FUS: variants seen among roughly 807,000 people sequenced by gnomAD.
FUS encodes FUS RNA binding protein.
A neutral mutation model predicts 82.7 loss-of-function variants in FUS; 5 were observed. That is an observed-to-expected ratio of 0.06 (90% CI 0.03 to 0.13). FUS has a LOEUF of 0.13. Ranked by LOEUF, FUS falls within the 10% of genes least tolerant of loss-of-function variation. The probability of loss-of-function intolerance (pLI) is 1.00; values close to 1 mark genes in which losing one functional copy is unlikely to be tolerated. For synonymous variants in FUS, 281 were observed against 247.4 expected, an observed-to-expected ratio of 1.14 and a Z score of -1.27; for missense variants, 512 against 707.8, an observed-to-expected ratio of 0.72 and a Z score of 3.14.
At chr16:31,185,439 C>G in intron 6 of FUS, 1 of 661,986 alleles carries the variant, frequency 1.5e-6, no homozygotes, top group South Asian at 1.6e-5. Flanking sequence ...AGAAACCATA[C>G]ATAGATACGT....
chr16:31,193,847 A>G (rs1433580644), downstream of FUS: 7 of 521,730 alleles, frequency 1.3e-5, no homozygotes, highest in Admixed American at 1.6e-4. Flanking sequence ...ACAGGGTTTC[A>G]CTGGGTTGCC....
downstream of FUS, chr16:31,193,094 C>T (rs984776377): frequency 1.0e-5 from 5 of 484,130 alleles, no homozygotes; most frequent in Non-Finnish European, 2.0e-5. Context: ...CATGCGCCAC[C>T]ATGCCCAGCT....
downstream of FUS, chr16:31,193,093 C>T (rs761905338): frequency 2.1e-6 from 1 of 484,118 alleles, no homozygotes; most frequent in Admixed American, 2.3e-5. Context: ...GCATGCGCCA[C>T]CATGCCCAGC....
At position 31,191,551 on chromosome 16, in the gene FUS, T is replaced by C; in HGVS notation, c.*113T>C. On this transcript the variant is annotated 3_prime_UTR_variant, in exon 15 of 15. Coordinates refer to ENST00000254108, the MANE Select transcript of FUS (RefSeq NM_004960.4). The stretch of plus-strand genomic sequence containing the variant: ...ACCCAAGGGTTTTTTTGTGTCGGAC[T>C]ATGTAATTGTAACTATACCTCTGGT... 1.7e-6 allele frequency: 2 copies of C among 1,144,302 alleles called. No homozygotes were observed. Among genetic ancestry groups the C allele is most frequent in the Non-Finnish European group, 1.3e-6 (1 of 763,646 alleles). 70.9% of individuals were successfully genotyped at this position (1,144,302 alleles called of 1,614,324 possible).
intron 3 of FUS, chr16:31,183,545 A>C (rs1596892560): frequency 4.9e-6 from 2 of 406,166 alleles, no homozygotes; most frequent in South Asian, 4.3e-5. Flanking sequence ...TGTCCTGTAG[A>C]TACTGCACGC....
downstream of FUS, chr16:31,193,294 G>C (rs748360839): frequency 1.9e-6 from 1 of 516,198 alleles, no homozygotes; most frequent in Non-Finnish European, 3.8e-6. Flanking sequence ...GAGTGGTCTG[G>C]CGTATTAAAA....
downstream of FUS, chr16:31,192,139 T>TA (rs2079370830): frequency 1.9e-6 from 1 of 530,192 alleles, no homozygotes; most frequent in Admixed American, 2.2e-5. Context: ...AGCGCTTGGG[T>TA]AGATACCTGC....
intron 3 of FUS, chr16:31,183,614 T>C: frequency 3.8e-6 from 2 of 526,478 alleles, no homozygotes; most frequent in Non-Finnish European, 6.9e-6. Context: ...TAGAGGGTGG[T>C]GCTGGAGATG....
chr16:31,184,110 G>C lies in FUS; in HGVS notation c.336-99G>C, dbSNP rs2079222632. 1.9e-6 allele frequency: 3 copies of C among 1,612,738 alleles called. No individual in the cohort carries two copies. The African/African-American group carries it at 4.0e-5, about 22-fold the overall frequency. On this transcript the variant is annotated intron_variant, in intron 4 of 14. Transcript: ENST00000254108. Reference sequence around the variant, plus strand: ...GTTCAGAGGTGTAATTGGGGTAGGGGAGCCTGTGTTGGGTACAGAGAATGG... The same window carrying C: ...GTTCAGAGGTGTAATTGGGGTAGGGCAGCCTGTGTTGGGTACAGAGAATGG...
chr16:31,189,940 C>G (rs1480097888), intron 10 of FUS, 100 bp from the exon 11 acceptor site: 4 of 1,558,498 alleles, frequency 2.6e-6, no homozygotes, highest in Admixed American at 1.8e-5. Context: ...GCTTATGTGT[C>G]AGCAGATTAT....
chr16:31,189,576 A>T (rs2079321469), intron 9 of FUS, 89 bp from the exon 10 acceptor site: 1 of 1,582,710 alleles, frequency 6.3e-7, no homozygotes, highest in Non-Finnish European at 8.7e-7. Flanking sequence ...GAAGTTTGGG[A>T]ATTATAAACC....
rs576096688 is a variant in FUS at position 31,185,470 on chromosome 16, T to C, written c.764+291T>C. On this transcript the variant is annotated intron_variant, in intron 6 of 14. Coordinates refer to ENST00000254108, the MANE Select transcript of FUS (RefSeq NM_004960.4). ...TACGTATGGATTGGAGTCATTAATA[T>C]CCTAGGCAAGAAACATGGAAGTGAA... 1.4e-5 allele frequency: 9 copies of C among 641,206 alleles called. 1 individual carries two copies. The highest frequency in any genetic ancestry group is 6.0e-5 in the South Asian group (4 of 66,240). The allele number at this position is 641,206 out of a possible 1,614,324, so 39.7% of individuals were successfully genotyped here.
chr16:31,194,749 T>C, downstream of FUS: 1 of 483,860 alleles, frequency 2.1e-6, no homozygotes, highest in Non-Finnish European at 4.1e-6. Context: ...ACAAAGCCAC[T>C]CTTAGAAAAT....
intron 9 of FUS, 34 bp from the exon 10 acceptor site, chr16:31,189,631 T>TA: frequency 6.2e-7 from 1 of 1,614,032 alleles, no homozygotes; most frequent in South Asian, 1.1e-5. Context: ...CTGTAGCCTT[T>TA]AAAATTGATG....
intron 6 of FUS, chr16:31,186,042 T>A (rs1267510417): frequency 8.4e-6 from 2 of 236,730 alleles, no homozygotes; most frequent in Non-Finnish European, 1.7e-5. Flanking sequence ...TATGCAGAGG[T>A]GGGTGGGGGC....
chr16:31,187,065 G>A lies in FUS; in HGVS notation c.799+229G>A. 6.7e-6 allele frequency: 4 copies of A among 598,520 alleles called. No homozygotes were observed. The South Asian group carries it at 7.8e-5, about 12-fold the overall frequency. 37.1% of individuals were successfully genotyped at this position (598,520 alleles called of 1,614,324 possible). On this transcript the variant is annotated intron_variant, in intron 7 of 14. Transcript: ENST00000254108. ...CTTTTACCAAATGGGTTTGCCCCAG[G>A]TTAATAAGAGGGGTCTAGTAGGCCT...
At chr16:31,193,130 C>G (rs187382003), downstream of FUS, 1 of 484,098 alleles carries the variant, frequency 2.1e-6, no homozygotes, top group South Asian at 1.5e-5. Context: ...TTAGTAGAGA[C>G]GGGGTTTCTC....
chr16:31,192,048 T>C, downstream of FUS: 1 of 532,778 alleles, frequency 1.9e-6, no homozygotes, highest in Non-Finnish European at 3.6e-6. Context: ...GGAAGGAGAG[T>C]AACTGAGTGC....
intron 3 of FUS, 90 bp from the exon 4 acceptor site, chr16:31,183,768 T>G: frequency 1.3e-6 from 2 of 1,507,520 alleles, no homozygotes; most frequent in South Asian, 1.1e-5. Flanking sequence ...GCTGGCTTTA[T>G]GAGTATAGGT....
Sources: gnomAD v4.1 joint callset for allele counts on GRCh38, gnomAD v4.1.1 for gene constraint, MANE v1.5 for transcripts, NCBI Gene and HGNC (gene_info 2026-07-23, HGNC 2026-07-21) for gene names.